TULP4: variants seen among roughly 807,000 people sequenced by gnomAD.
TULP4 encodes tubby-related protein 4.
TULP4 carries 16 observed loss-of-function variants against 129.0 expected under a neutral mutation model. That is an observed-to-expected ratio of 0.12 (90% CI 0.08 to 0.19). TULP4 has a LOEUF of 0.19. Among genes scored for constraint, TULP4 ranks in the 10% least tolerant of loss-of-function variants. The probability of loss-of-function intolerance (pLI) is 1.00; values close to 1 mark genes in which losing one functional copy is unlikely to be tolerated. For missense variants in TULP4, 1,842 were observed against 2,059.1 expected (o/e 0.89, Z 2.04); for synonymous variants, 998 against 854.0 (o/e 1.17, Z -2.94).
At position 158,237,484 on chromosome 6, in the gene TULP4, G is replaced by A; in HGVS notation, n.68+5181G>A. 4.6e-6 allele frequency: 7 copies of A among 1,535,372 alleles called. No homozygotes were observed. In the South Asian group the frequency reaches 5.6e-5, roughly 12 times the overall value. On this transcript the variant is annotated intron_variant and non_coding_transcript_variant, in intron 1 of 1. Coordinates refer to the TULP4 transcript ENST00000620026. ...TGCACTGCCAGGTCTTGGGGAGGTG[G>A]GTGGGCTACTCACAGTTTTTCTGGC...
At chr6:158,489,808 A>G (rs1313511582) in intron 9 of TULP4, 76 bp downstream of exon 9, 33 of 1,565,936 alleles carry the variant, frequency 2.1e-5, no homozygotes, top group Non-Finnish European at 2.6e-5. Flanking sequence ...ACAGAATCGC[A>G]TTGAAACTGA....
At chr6:158,412,359 G>T (rs1778115559) in intron 1 of TULP4, among the ~76,000 whole-genome samples, 1 of 152,130 alleles carries the variant, frequency 6.6e-6, no homozygotes, top group Non-Finnish European at 1.5e-5. Context: ...ACTGGGCCCT[G>T]TGAGGCTTCC....
chr6:158,350,311 T>G (rs1462998974), intron 1 of TULP4, among the ~76,000 whole-genome samples: 3 of 149,986 alleles, frequency 2.0e-5, no homozygotes, highest in Non-Finnish European at 4.5e-5. Context: ...CGCTGCTCAC[T>G]TCCTAGATGG....
At chr6:158,351,707 CTTTTT>C (rs1160814801) in intron 1 of TULP4, among the ~76,000 whole-genome samples, 6 of 50,494 alleles carry the variant, frequency 1.2e-4, no homozygotes, top group African/African-American at 2.5e-4. Flanking sequence ...TGTTGTTAAA[CTTTTT>C]TTTTTTTTTT....
chr6:158,381,029 C>T (rs1270745800), intron 1 of TULP4, among the ~76,000 whole-genome samples: 2 of 151,968 alleles, frequency 1.3e-5, no homozygotes, highest in Non-Finnish European at 2.9e-5. Flanking sequence ...TTCCGAGTCC[C>T]ATGATGGCAT....
intron 1 of TULP4, among the ~76,000 whole-genome samples, chr6:158,257,400 T>TA (rs1052733671): frequency 6.6e-6 from 1 of 152,188 alleles, no homozygotes; most frequent in African/African-American, 2.4e-5. Context: ...TGTGTCTTTT[T>TA]AAAAAAGTGT....
chr6:158,384,479 G>T (rs949034346), intron 1 of TULP4, among the ~76,000 whole-genome samples: 1 of 151,838 alleles, frequency 6.6e-6, no homozygotes, highest in African/African-American at 2.4e-5. Flanking sequence ...TAGTAGAGAC[G>T]GGGTTTCACT....
intron 5 of TULP4, among the ~76,000 whole-genome samples, chr6:158,456,850 AT>A (rs1360629000): frequency 2.1e-4 from 31 of 146,306 alleles, no homozygotes; most frequent in African/African-American, 8.0e-4. Context: ...AAAAAAAAAA[AT>A]GTTCAGTGTA....
In TULP4 at chr6:158,493,702, T is replaced by C; in HGVS notation, c.1761T>C (p.Phe587=). The change falls in exon 10 of 14, where the codon TTT becomes TTC. Residue 587 remains phenylalanine, a synonymous_variant. Coordinates refer to ENST00000367097, the MANE Select transcript of TULP4 (RefSeq NM_020245.5). This position sits in a 1 kb window ranked among gnomAD's most constrained non-coding sequence, Gnocchi z 4.4. Reference sequence around the variant, plus strand: ...GCCTGACTCGGAGAGAGTTTCCTTTTGAAGACATCACTCAGGTAGGAGCCC... The same window carrying C: ...GCCTGACTCGGAGAGAGTTTCCTTTCGAAGACATCACTCAGGTAGGAGCCC... ...SPSLTRREFP[F]EDITQHNYLA... The C allele has an allele frequency of 6.3e-7, 1 of 1,580,178 alleles. No homozygotes were observed. Among genetic ancestry groups the C allele is most frequent in the South Asian group, 1.2e-5 (1 of 86,138 alleles).
intron 1 of TULP4, among the ~76,000 whole-genome samples, chr6:158,241,451 C>T (rs1265277491): frequency 6.7e-6 from 1 of 150,266 alleles, no homozygotes; most frequent in Non-Finnish European, 1.5e-5. Context: ...CCAGCCTGGG[C>T]ACCATTGAGC....
At chr6:158,353,291 C>T (rs533287803) in intron 1 of TULP4, among the ~76,000 whole-genome samples, 1 of 152,270 alleles carries the variant, frequency 6.6e-6, no homozygotes, top group Admixed American at 6.5e-5. Flanking sequence ...CAGATAGAAT[C>T]CTCATATATC....
At chr6:158,263,214 C>T (rs1399509072) in intron 1 of TULP4, among the ~76,000 whole-genome samples, 5 of 152,198 alleles carry the variant, frequency 3.3e-5, no homozygotes, top group Non-Finnish European at 7.3e-5. Flanking sequence ...AACTGTTGAA[C>T]AGTAACCCCT....
chr6:158,404,393 G>T (rs1777926412), intron 1 of TULP4, among the ~76,000 whole-genome samples: 1 of 152,092 alleles, frequency 6.6e-6, no homozygotes, highest in Non-Finnish European at 1.5e-5. Flanking sequence ...GATCTCTTTG[G>T]TGTATGTTAC....
chr6:158,361,661 A>G (rs948143139), intron 1 of TULP4, among the ~76,000 whole-genome samples: 2 of 152,224 alleles, frequency 1.3e-5, no homozygotes, highest in Non-Finnish European at 2.9e-5. Context: ...AAATTAATAT[A>G]TGTACTTTCT....
intron 1 of TULP4, among the ~76,000 whole-genome samples, chr6:158,326,270 C>T (rs1779744962): frequency 6.6e-6 from 1 of 152,214 alleles, no homozygotes; most frequent in African/African-American, 2.4e-5. Context: ...ACATCTTCAG[C>T]ATAATTTCAT....
At chr6:158,341,165 C>T (rs1056625002) in intron 1 of TULP4, among the ~76,000 whole-genome samples, 6 of 152,100 alleles carry the variant, frequency 3.9e-5, no homozygotes, top group South Asian at 4.1e-4. Context: ...TTAGCTCCTA[C>T]GTATGAGTGA....
In TULP4 at chr6:158,236,795, C is replaced by CTTTTTTTTTTTTTTTTTTTTT. The variant is rs71030149; in HGVS notation, n.68+4508_68+4528dup. On this transcript the variant is annotated intron_variant and non_coding_transcript_variant, in intron 1 of 1. Coordinates refer to the TULP4 transcript ENST00000620026. Reference sequence around the variant, plus strand: ...AGATGGGTAAATGCCCAATTCTTTTCTTTTTTTTTTTTTTTTTTTTTTTTT... The same window carrying CTTTTTTTTTTTTTTTTTTTTT: ...AGATGGGTAAATGCCCAATTCTTTTCTTTTTTTTTTTTTTTTTTTTTTTTTTTTTTTTTTTTTTTTTTTTTT... Among the ~76,000 whole-genome samples, 61 of 63,286 alleles carry CTTTTTTTTTTTTTTTTTTTTT rather than the reference C, an allele frequency of 9.6e-4. 10 individuals carry two copies. The highest frequency in any genetic ancestry group is 1.6e-3 in the Non-Finnish European group (52 of 32,220). The allele number at this position is 63,286 out of a possible 152,430, so 41.5% of individuals were successfully genotyped here. A position where few individuals can be genotyped will look rare whatever the true frequency, so the allele number is the denominator to read the frequency against.
chr6:158,403,401 G>A (rs749981919), intron 1 of TULP4, among the ~76,000 whole-genome samples: 14 of 152,120 alleles, frequency 9.2e-5, no homozygotes, highest in African/African-American at 2.4e-4. Flanking sequence ...GTGCAATGGC[G>A]TGATCTTGGC....
At chr6:158,397,082 T>C (rs1398961118) in intron 1 of TULP4, among the ~76,000 whole-genome samples, 1 of 152,138 alleles carries the variant, frequency 6.6e-6, no homozygotes, top group Non-Finnish European at 1.5e-5. Flanking sequence ...AACCAGGTAG[T>C]GAGCAACCAG....
Sources: gnomAD v4.1 joint callset for allele counts (sites outside exome capture counted in the v4.1 genomes callset) on GRCh38, gnomAD v4.1.1 for gene constraint, Gnocchi (gnomAD v3.1) non-coding constraint, MANE v1.5 for transcripts, NCBI Gene and HGNC (gene_info 2026-07-23, HGNC 2026-07-21) for gene names.